Variants in GATB observed in about 807,000 individuals in gnomAD.
GATB encodes the protein glutamyl-tRNA(Gln) amidotransferase subunit B, mitochondrial.
GATB carries 39 observed loss-of-function variants against 62.3 expected under a neutral mutation model. The ratio of observed to expected loss-of-function variants is 0.63; its 90% confidence interval spans 0.48 to 0.82. GATB has a LOEUF of 0.82. GATB is among the 40% of genes least tolerant of loss of function. The pLI, the probability that GATB is intolerant of heterozygous loss-of-function variation, is 0.00. For missense variants in GATB, 670 were observed against 684.0 expected, an observed-to-expected ratio of 0.98 and a Z score of 0.23; for synonymous variants, 276 against 258.9, an observed-to-expected ratio of 1.07 and a Z score of -0.63.
chr4:151,759,959 T>C (rs1393269034), intron 1 of GATB, among the ~76,000 whole-genome samples: 1 of 152,206 alleles, frequency 6.6e-6, no homozygotes, highest in East Asian at 1.9e-4. Context: ...AAATTCTGCA[T>C]GCAGTAAAGC....
intron 2 of GATB, among the ~76,000 whole-genome samples, chr4:151,753,814 A>G (rs1295864053): frequency 4.5e-4 from 68 of 152,116 alleles, no homozygotes; most frequent in Admixed American, 4.4e-3. Flanking sequence ...GACATGACCA[A>G]TAAATGTTTT....
At chr4:151,685,469 C>T (rs1398106477) in intron 10 of GATB, among the ~76,000 whole-genome samples, 1 of 152,202 alleles carries the variant, frequency 6.6e-6, no homozygotes, top group African/African-American at 2.4e-5. Flanking sequence ...CGGCTCAGCT[C>T]TGGCTCTGCA....
intron 6 of GATB, among the ~76,000 whole-genome samples, chr4:151,705,606 C>A (rs780931036): frequency 2.0e-5 from 3 of 152,102 alleles, no homozygotes; most frequent in Non-Finnish European, 4.4e-5. Context: ...GGGCCCTTAC[C>A]CTGGGAGTCT....
intron 5 of GATB, among the ~76,000 whole-genome samples, chr4:151,709,700 A>G (rs1259667699): frequency 6.6e-6 from 1 of 152,132 alleles, no homozygotes; most frequent in Non-Finnish European, 1.5e-5. Flanking sequence ...GGCTTAGGTG[A>G]TAAGAGCACA....
At chr4:151,705,035 T>G (rs1473579032) in intron 7 of GATB, 150 bp downstream of exon 7, 6 of 587,832 alleles carry the variant, frequency 1.0e-5, no homozygotes, top group Non-Finnish European at 1.8e-5. Flanking sequence ...GCATGAAGGG[T>G]ACAGTACTTT....
chr4:151,706,800 A>G (rs547249231), intron 6 of GATB, among the ~76,000 whole-genome samples: 1 of 152,300 alleles, frequency 6.6e-6, no homozygotes, highest in South Asian at 2.1e-4. Context: ...GGCTACAGCA[A>G]AACTTTGGCA....
At chr4:151,680,689 G>A (rs2406974) in intron 10 of GATB, among the ~76,000 whole-genome samples, 68,186 of 152,052 alleles carry the variant, frequency 0.45, 16,333 homozygotes, top group African/African-American at 0.63. Context: ...TCTAAATACA[G>A]GTTGAGTTAC....
chr4:151,741,558 T>G (rs1739488330), intron 2 of GATB, among the ~76,000 whole-genome samples: 1 of 152,212 alleles, frequency 6.6e-6, no homozygotes, highest in Admixed American at 6.5e-5. Context: ...TGTGGGGAGA[T>G]GAGCAAGCTG....
At chr4:151,732,783 CTA>C (rs1309586140) in intron 2 of GATB, among the ~76,000 whole-genome samples, 2 of 147,972 alleles carry the variant, frequency 1.4e-5, no homozygotes, top group African/African-American at 5.0e-5. Flanking sequence ...TCTGTGAATA[CTA>C]TCATTATAAT....
chr4:151,722,913 T>C (rs1483429593), intron 2 of GATB: 3 of 152,238 alleles, frequency 2.0e-5, no homozygotes, highest in Non-Finnish European at 4.4e-5. Context: ...ACCTGCCACA[T>C]GCTGGCCTGC....
intron 2 of GATB, among the ~76,000 whole-genome samples, chr4:151,748,425 T>G (rs1251871444): frequency 1.3e-5 from 2 of 152,224 alleles, no homozygotes; most frequent in Admixed American, 6.5e-5. Flanking sequence ...GATTCCCTAT[T>G]TAACAAATGG....
intron 5 of GATB, among the ~76,000 whole-genome samples, chr4:151,709,934 C>G (rs1423142015): frequency 6.6e-6 from 1 of 152,094 alleles, no homozygotes; most frequent in Non-Finnish European, 1.5e-5. Context: ...GAGAAAGCTC[C>G]CCTCCAATCA....
At chr4:151,731,872 C>T (rs559245890) in intron 2 of GATB, among the ~76,000 whole-genome samples, 16 of 149,054 alleles carry the variant, frequency 1.1e-4, no homozygotes, top group African/African-American at 3.0e-4. Flanking sequence ...GGAGCCCCTC[C>T]GCCCGGCAGC....
chr4:151,688,538 C>G (rs767357499), intron 10 of GATB, 92 bp downstream of exon 10: 6 of 1,274,704 alleles, frequency 4.7e-6, no homozygotes, highest in Non-Finnish European at 5.5e-6. Context: ...TGAGGGAGAA[C>G]AGCAGGAGCA....
chr4:151,731,909 G>T (rs2126986665), intron 2 of GATB, among the ~76,000 whole-genome samples: 1 of 151,434 alleles, frequency 6.6e-6, no homozygotes, highest in African/African-American at 2.4e-5. Context: ...CATCCGGGAG[G>T]GAGGTGGGGG....
chr4:151,754,658 T>C (rs1379600717), intron 2 of GATB, among the ~76,000 whole-genome samples: 2 of 152,168 alleles, frequency 1.3e-5, no homozygotes, highest in Admixed American at 6.5e-5. Flanking sequence ...TCCTAATTTT[T>C]TACTAAATCA....
At chr4:151,756,741 A>T (rs1437181842) in intron 2 of GATB, among the ~76,000 whole-genome samples, 1 of 152,226 alleles carries the variant, frequency 6.6e-6, no homozygotes, top group Admixed American at 6.5e-5. Context: ...TTGGTGCATG[A>T]CAAGTTTTAC....
chr4:151,689,711 G>A (rs1177711763), intron 9 of GATB, among the ~76,000 whole-genome samples: 2 of 152,052 alleles, frequency 1.3e-5, no homozygotes, highest in African/African-American at 4.8e-5. Context: ...GGTGTCTCCC[G>A]TCAGCATGTA....
At position 151,760,940 on chromosome 4, in the gene GATB, A is replaced by C; in HGVS notation, c.43T>G (p.Trp15Gly). 6.2e-7 allele frequency: 1 copy of C among 1,613,668 alleles called. No individual in the cohort carries two copies. The change falls in exon 1 of 13, where the codon TGG becomes GGG. Residue 15 changes from tryptophan (W) to glycine (G), a missense_variant. Transcript: ENST00000263985. ...MLRWGCRGRR[W>G]AFARVDGGSC... is the part of the protein sequence containing the mutation. ...CCACCGTCAACCCGGGCGAAAGCCC[A>C]ACGTCTTCCACGGCAGCCCCAGCGC...
Sources: gnomAD v4.1 joint callset for allele counts (sites outside exome capture counted in the v4.1 genomes callset) on GRCh38, gnomAD v4.1.1 for gene constraint, MANE v1.5 for transcripts, NCBI Gene and HGNC (gene_info 2026-07-23, HGNC 2026-07-21) for gene names.